Variants in MAF observed in about 807,000 individuals in gnomAD.
MAF encodes the protein MAF bZIP transcription factor, also known as transcription factor Maf.
MAF carries 10 observed loss-of-function variants against 22.0 expected under a neutral mutation model. The observed-to-expected ratio is 0.45, with a 90% CI of 0.28 to 0.77. MAF has a LOEUF of 0.77. MAF is among the 30% of genes least tolerant of loss of function. MAF has a pLI of 0.12. For missense variants in MAF, 544 were observed against 548.4 expected, an observed-to-expected ratio of 0.99 and a Z score of 0.08; for synonymous variants, 337 against 255.8, an observed-to-expected ratio of 1.32 and a Z score of -3.03.
the MAF span, among the ~76,000 whole-genome samples, chr16:79,561,712 A>C: frequency 6.6e-6 from 1 of 152,176 alleles, no homozygotes; most frequent in Admixed American, 6.5e-5. Context: ...GAGGAGAAGA[A>C]GAAAAAATGG....
chr16:79,584,912 T>C (rs369893208), downstream of MAF, among the ~76,000 whole-genome samples: 2 of 152,328 alleles, frequency 1.3e-5, no homozygotes, highest in East Asian at 3.9e-4. Context: ...AAAATGAGGC[T>C]ATGTTTTTCC....
At chr16:79,413,294 G>A in the MAF span, among the ~76,000 whole-genome samples, 3 of 119,458 alleles carry the variant, frequency 2.5e-5, no homozygotes, top group East Asian at 5.8e-4. Flanking sequence ...CCAGGCTGGA[G>A]TACAGTGGCG....
chr16:79,535,156 T>C, the MAF span, among the ~76,000 whole-genome samples: 1 of 152,164 alleles, frequency 6.6e-6, no homozygotes, highest in African/African-American at 2.4e-5. Context: ...CAAATCTCAG[T>C]GGCTTTAACT....
the MAF span, among the ~76,000 whole-genome samples, chr16:79,337,961 T>C: frequency 1.3e-5 from 2 of 152,204 alleles, no homozygotes; most frequent in African/African-American, 4.8e-5. Flanking sequence ...CCTTCTTGTA[T>C]GCACTTCAGA....
chr16:79,442,846 C>A, the MAF span, among the ~76,000 whole-genome samples: 1 of 152,216 alleles, frequency 6.6e-6, no homozygotes, highest in African/African-American at 2.4e-5. Context: ...GTAAACCACA[C>A]CCAACAGATC....
chr16:79,308,017 AC>A, the MAF span, among the ~76,000 whole-genome samples: 1 of 152,186 alleles, frequency 6.6e-6, no homozygotes, highest in Admixed American at 6.5e-5. Context: ...CTGCCATGAG[AC>A]CACCTGCCTG....
At chr16:79,213,029 A>ACT in the MAF span, 7 of 91,964 alleles carry the variant, frequency 7.6e-5, no homozygotes, top group Non-Finnish European at 2.7e-5. Flanking sequence ...GCAAGTACTT[A>ACT]GTGATTAGCG....
chr16:79,482,855 CCTCCCTCCCTCCCTCTCCTCCT>C, the MAF span, among the ~76,000 whole-genome samples: 1 of 113,728 alleles, frequency 8.8e-6, no homozygotes, highest in African/African-American at 3.6e-5. Context: ...CCTCCCCTCC[CCTCCCTCCCTCCCTCTCCTCCT>C]CTCCCTCCCT....
At chr16:79,428,750 T>C in the MAF span, among the ~76,000 whole-genome samples, 1 of 151,640 alleles carries the variant, frequency 6.6e-6, no homozygotes, top group Non-Finnish European at 1.5e-5. Flanking sequence ...GAGGCTGAGG[T>C]GGGAGTATTG....
chr16:79,583,617 C>T (rs1184862684), downstream of MAF, among the ~76,000 whole-genome samples: 1 of 152,214 alleles, frequency 6.6e-6, no homozygotes, highest in African/African-American at 2.4e-5. Context: ...ACGTTCTGAT[C>T]GGTCTTTCAG....
At chr16:79,472,922 T>A in the MAF span, among the ~76,000 whole-genome samples, 1 of 152,024 alleles carries the variant, frequency 6.6e-6, no homozygotes, top group African/African-American at 2.4e-5. Flanking sequence ...TGAATGGGTG[T>A]GTACCGAGGC....
At chr16:79,533,525 G>A in the MAF span, among the ~76,000 whole-genome samples, 439 of 152,214 alleles carry the variant, frequency 2.9e-3, 3 homozygotes, top group African/African-American at 0.01. Context: ...TGAGTGAGAG[G>A]GAGGAAGACA....
chr16:79,265,297 T>G, the MAF span, among the ~76,000 whole-genome samples: 7 of 152,208 alleles, frequency 4.6e-5, no homozygotes, highest in Non-Finnish European at 7.3e-5. Context: ...ACTATCATTC[T>G]TAGGCACATA....
the MAF span, among the ~76,000 whole-genome samples, chr16:79,542,068 T>G: frequency 6.6e-6 from 1 of 152,154 alleles, no homozygotes; most frequent in Non-Finnish European, 1.5e-5. Context: ...TGGTCCCAGT[T>G]CTCCTGACTC....
the MAF span, among the ~76,000 whole-genome samples, chr16:79,539,580 A>G: frequency 2.0e-5 from 3 of 152,384 alleles, no homozygotes; most frequent in Middle Eastern, 3.4e-3. Flanking sequence ...GTGAACATTT[A>G]TAATAAAGAT....
At chr16:79,418,124 CATTGCCAGCCTGAAGCCG>C in the MAF span, among the ~76,000 whole-genome samples, 1 of 152,188 alleles carries the variant, frequency 6.6e-6, no homozygotes, top group African/African-American at 2.4e-5. Flanking sequence ...GACCTATCTT[CATTGCCAGCCTGAAGCCG>C]GATGATTCCC....
At chr16:79,421,576 T>A in the MAF span, among the ~76,000 whole-genome samples, 1 of 152,024 alleles carries the variant, frequency 6.6e-6, no homozygotes, top group Non-Finnish European at 1.5e-5. Context: ...GAAGGGAAGA[T>A]GATAGACATT....
chr16:79,278,630 G>C, the MAF span, among the ~76,000 whole-genome samples: 14 of 152,086 alleles, frequency 9.2e-5, no homozygotes, highest in Admixed American at 8.5e-4. Flanking sequence ...CGCAAGAGCT[G>C]TTTCTAGCCT....
chr16:79,398,405 T>C, the MAF span, among the ~76,000 whole-genome samples: 80 of 152,322 alleles, frequency 5.3e-4, no homozygotes, highest in Non-Finnish European at 5.9e-4. Flanking sequence ...CCCATTCATA[T>C]TTGCATACTC....
Sources: gnomAD v4.1 joint callset for allele counts (sites outside exome capture counted in the v4.1 genomes callset) on GRCh38, gnomAD v4.1.1 for gene constraint, MANE v1.5 for transcripts, NCBI Gene and HGNC (gene_info 2026-07-23, HGNC 2026-07-21) for gene names.